HOXC5: variants seen among roughly 807,000 people sequenced by gnomAD.
HOXC5 encodes homeobox protein Hox-C5.
HOXC5 carries 19 observed loss-of-function variants against 20.1 expected under a neutral mutation model. That is an observed-to-expected ratio of 0.94 (90% confidence interval 0.66 to 1.38). The LOEUF (loss-of-function observed/expected upper bound fraction) is 1.38, where lower values mean the gene tolerates loss of function less well. Among genes scored for constraint, HOXC5 ranks in the 40% most tolerant of loss-of-function variants. The pLI, the probability that HOXC5 is intolerant of heterozygous loss-of-function variation, is 0.00. For missense variants in HOXC5, 330 were observed against 300.1 expected, an observed-to-expected ratio of 1.10 and a Z score of -0.74; for synonymous variants, 124 against 117.0, an observed-to-expected ratio of 1.06 and a Z score of -0.39.
chr12:54,022,135 CT>C, the HOXC5 span: 1 of 152,218 alleles, frequency 6.6e-6, no homozygotes, highest in Non-Finnish European at 1.5e-5. Context: ...GGGGGCCACA[CT>C]CATTGAGAAA....
rs1250040629 is a variant in HOXC5 at position 54,035,183 on chromosome 12, TG to T, written c.*695del. Reference sequence around the variant, plus strand: ...CCAGCCTGCTAGCTAGCTCAACTAGTGGGGTTTCCTGGCACTGGACCCCAGC... The same window carrying T: ...CCAGCCTGCTAGCTAGCTCAACTAGTGGGTTTCCTGGCACTGGACCCCAGC... On this transcript the variant is annotated 3_prime_UTR_variant, in exon 2 of 2. Transcript: ENST00000312492. 6 of 153,398 alleles carry T rather than the reference TG, an allele frequency of 3.9e-5. No homozygotes were observed. Among genetic ancestry groups the T allele is most frequent in the Middle Eastern group, 6.8e-3 (2 of 294 alleles). 9.5% of individuals were successfully genotyped at this position (153,398 alleles called of 1,614,324 possible).
the HOXC5 span, among the ~76,000 whole-genome samples, chr12:54,024,317 C>G: frequency 6.6e-6 from 1 of 152,142 alleles, no homozygotes; most frequent in Non-Finnish European, 1.5e-5. Flanking sequence ...AGGCTGAGCA[C>G]TGAGTCCTGA....
chr12:54,021,428 A>G, the HOXC5 span: 1 of 152,278 alleles, frequency 6.6e-6, no homozygotes, highest in Non-Finnish European at 1.5e-5. Context: ...ATGGGCTACC[A>G]AGGCTGAGAA....
In HOXC5 at chr12:54,035,336, T is replaced by G. The variant is rs1941161300; in HGVS notation, c.*844T>G. 6.6e-6 allele frequency: 1 copy of G among 152,668 alleles called. No individual in the cohort carries two copies. The highest frequency in any genetic ancestry group is 1.5e-5 in the Non-Finnish European group (1 of 68,066). 9.5% of individuals were successfully genotyped at this position (152,668 alleles called of 1,614,324 possible). A position where few individuals can be genotyped will look rare whatever the true frequency, so the allele number is the denominator to read the frequency against. On this transcript the variant is annotated 3_prime_UTR_variant, in exon 2 of 2. Transcript: ENST00000312492. Reference sequence around the variant, plus strand: ...CTTCCTGAAACTATATTTTGTCATATCAAATAAAGAGAGAACAGGACTAAA... The same window carrying G: ...CTTCCTGAAACTATATTTTGTCATAGCAAATAAAGAGAGAACAGGACTAAA...
chr12:54,022,564 C>T, the HOXC5 span: 1 of 152,182 alleles, frequency 6.6e-6, no homozygotes, highest in Admixed American at 6.5e-5. Context: ...TTCAGATCTG[C>T]AAACAATAAA....
At chr12:54,023,563 GT>G in the HOXC5 span, among the ~76,000 whole-genome samples, 5 of 152,212 alleles carry the variant, frequency 3.3e-5, no homozygotes, top group African/African-American at 9.6e-5. Flanking sequence ...CCTTGGAGGT[GT>G]TTGGGGGCAG....
chr12:54,032,858 G>A (rs1203830439), upstream of HOXC5: 1 of 337,098 alleles, frequency 3.0e-6, no homozygotes, highest in African/African-American at 2.2e-5. Context: ...CCCTTGGTTG[G>A]GCTTTGCCAA....
chr12:54,029,539 TA>T, upstream of HOXC5: 1 of 1,095,750 alleles, frequency 9.1e-7, no homozygotes, highest in Non-Finnish European at 1.3e-6. Context: ...GCTAGAGCCC[TA>T]AGGAGGCTGT....
upstream of HOXC5, chr12:54,029,677 G>C (rs756503013): frequency 3.7e-6 from 6 of 1,613,692 alleles, no homozygotes; most frequent in South Asian, 5.5e-5. Flanking sequence ...GAGCGGACCG[G>C]AGGCGCGGCC....
In HOXC5 at chr12:54,035,053, C is replaced by A. The variant is rs1941150584; in HGVS notation, c.*561C>A. The stretch of plus-strand genomic sequence containing the variant: ...GGAGAGCATCGGCCTAGGGCCCCCA[C>A]AGTTGCTCTATGCTTTCCAAACCTT... On this transcript the variant is annotated 3_prime_UTR_variant, in exon 2 of 2. Coordinates refer to ENST00000312492, the MANE Select transcript of HOXC5 (RefSeq NM_018953.4). The A allele has an allele frequency of 6.3e-6, 1 of 159,258 alleles. No individual in the cohort carries two copies. Among genetic ancestry groups the A allele is most frequent in the African/African-American group, 2.4e-5 (1 of 41,536 alleles). The allele number at this position is 159,258 out of a possible 1,614,324, so 9.9% of individuals were successfully genotyped here.
rs1359479410 is a variant in HOXC5, at chr12:54,034,133, G to C, written c.455-145G>C. 1.5e-5 allele frequency: 12 copies of C among 804,394 alleles called. No individual in the cohort carries two copies. The East Asian group carries it at 2.1e-4, about 14-fold the overall frequency. 49.8% of individuals were successfully genotyped at this position (804,394 alleles called of 1,614,324 possible). A position where few individuals can be genotyped will look rare whatever the true frequency, so the allele number is the denominator to read the frequency against. On this transcript the variant is annotated intron_variant, in intron 1 of 1. Coordinates refer to ENST00000312492, the MANE Select transcript of HOXC5 (RefSeq NM_018953.4). ...CCTCTCCCGGGGCTGGGCTGGGCTG[G>C]CCCGCCTGCGGCCCGCGTGGCCTGT...
In HOXC5 at chr12:54,034,407, A is replaced by G. The variant is rs561159734; in HGVS notation, c.584A>G (p.Asn195Ser). ...RIEIANNLCLNERQIKIWFQN... is the reference protein window; with the variant it reads ...RIEIANNLCLSERQIKIWFQN... The stretch of plus-strand genomic sequence containing the variant: ...GAGATCGCCAACAACTTGTGTCTCA[A>G]TGAGAGACAGATCAAGATCTGGTTC... Residue 195 changes from asparagine (N) to serine (S), a missense_variant, in exon 2 of 2, where the codon AAT becomes AGT. By Grantham distance (46) the Asn-to-Ser change is conservative. Coordinates refer to ENST00000312492, the MANE Select transcript of HOXC5 (RefSeq NM_018953.4). 6 of 1,613,932 alleles carry G rather than the reference A, an allele frequency of 3.7e-6. No individual in the cohort carries two copies. Among genetic ancestry groups the G allele is most frequent in the South Asian group, 2.2e-5 (2 of 91,082 alleles).
chr12:54,017,024 G>A, the HOXC5 span: 1 of 151,900 alleles, frequency 6.6e-6, no homozygotes, highest in Non-Finnish European at 1.5e-5. Flanking sequence ...TTTCCTCCCA[G>A]GTGGAGTTGC....
At chr12:54,028,959 T>G (rs1185107543), upstream of HOXC5, 1 of 1,554,980 alleles carries the variant, frequency 6.4e-7, no homozygotes, top group Non-Finnish European at 8.7e-7. Context: ...TTAAATAAAC[T>G]GAACTGGCTT....
At chr12:54,031,735 C>T (rs780671785), upstream of HOXC5, among the ~76,000 whole-genome samples, 1 of 152,176 alleles carries the variant, frequency 6.6e-6, no homozygotes, top group Non-Finnish European at 1.5e-5. Context: ...GGGGCCTTCT[C>T]CTGGCGGGGC....
the HOXC5 span, among the ~76,000 whole-genome samples, chr12:54,025,329 A>G: frequency 6.6e-6 from 1 of 152,188 alleles, no homozygotes; most frequent in African/African-American, 2.4e-5. Context: ...TTCCCCCTAT[A>G]GACAGCCATT....
At chr12:54,021,564 G>A in the HOXC5 span, 1 of 152,274 alleles carries the variant, frequency 6.6e-6, no homozygotes, top group Non-Finnish European at 1.5e-5. Flanking sequence ...GGCTGGAGGG[G>A]TTTTCCGCTA....
At chr12:54,031,500 C>T (rs1166775028), upstream of HOXC5, among the ~76,000 whole-genome samples, 1 of 152,224 alleles carries the variant, frequency 6.6e-6, no homozygotes, top group African/African-American at 2.4e-5. Context: ...TTACTTTTCT[C>T]TCCTCAAACG....
In HOXC5 at chr12:54,034,395, A is replaced by G; in HGVS notation, c.572A>G (p.Asn191Ser). The G allele has an allele frequency of 3.1e-6, 5 of 1,614,176 alleles. No homozygotes were observed. Among genetic ancestry groups the G allele is most frequent in the Non-Finnish European group, 4.2e-6 (5 of 1,179,992 alleles). Residue 191 changes from asparagine (N) to serine (S), a missense_variant, in exon 2 of 2, where the codon AAC becomes AGC. Physicochemically the swap from Asn to Ser is conservative, Grantham distance 46. Transcript: ENST00000312492. ...CGCAGGCGCATAGAGATCGCCAACAACTTGTGTCTCAATGAGAGACAGATC... is the reference window on the plus strand; with the variant it reads ...CGCAGGCGCATAGAGATCGCCAACAGCTTGTGTCTCAATGAGAGACAGATC... ...TRRRRIEIANNLCLNERQIKI... is the reference protein window; with the variant it reads ...TRRRRIEIANSLCLNERQIKI...
Sources: allele counts gnomAD v4.1 joint callset (sites outside exome capture counted in the v4.1 genomes callset), GRCh38; gene constraint gnomAD v4.1.1; transcripts MANE v1.5; gene names NCBI Gene and HGNC (gene_info 2026-07-23, HGNC 2026-07-21).